Variants in GABRG3 observed in about 807,000 individuals in gnomAD.
GABRG3 encodes gamma-aminobutyric acid type A receptor subunit gamma3.
GABRG3 carries 25 observed loss-of-function variants against 48.8 expected under a neutral mutation model. The observed-to-expected ratio is 0.51, with a 90% CI of 0.37 to 0.72. The LOEUF (loss-of-function observed/expected upper bound fraction) is 0.72, where lower values mean the gene tolerates loss of function less well. GABRG3 is among the 30% of genes least tolerant of loss of function. The pLI is 0.00. For missense variants in GABRG3, 394 were observed against 577.9 expected (o/e 0.68, Z 3.26); for synonymous variants, 227 against 217.6 (o/e 1.04, Z -0.38).
intron 3 of GABRG3, among the ~76,000 whole-genome samples, chr15:27,138,227 GTCT>G (rs1278404924): frequency 1.3e-5 from 2 of 152,094 alleles, no homozygotes; most frequent in Non-Finnish European, 2.9e-5. Context: ...CAAACAATTT[GTCT>G]TCTTATAAGG....
intron 3 of GABRG3, among the ~76,000 whole-genome samples, chr15:27,272,787 G>T (rs1017442614): frequency 6.6e-6 from 1 of 152,160 alleles, no homozygotes; most frequent in Non-Finnish European, 1.5e-5. Context: ...AACCCTGGCT[G>T]CTCAGAGATT....
At chr15:27,308,269 CAT>C (rs1892790023) in intron 3 of GABRG3, among the ~76,000 whole-genome samples, 1 of 134,720 alleles carries the variant, frequency 7.4e-6, no homozygotes, top group African/African-American at 2.9e-5. Context: ...TATATATAAA[CAT>C]AATATAAACA....
At chr15:27,307,206 C>T (rs1378110236) in intron 3 of GABRG3, among the ~76,000 whole-genome samples, 1 of 134,514 alleles carries the variant, frequency 7.4e-6, no homozygotes, top group Non-Finnish European at 1.6e-5. Flanking sequence ...ATAATACAAA[C>T]ATGTTTATAT....
chr15:27,522,416 TG>T (rs1891180292), intron 7 of GABRG3, among the ~76,000 whole-genome samples: 2 of 151,324 alleles, frequency 1.3e-5, no homozygotes, highest in African/African-American at 4.9e-5. Context: ...ACATCAGAAA[TG>T]GTAAGTGTGC....
chr15:27,016,752 CG>C (rs1461655174), intron 2 of GABRG3, among the ~76,000 whole-genome samples: 1 of 152,090 alleles, frequency 6.6e-6, no homozygotes, highest in East Asian at 1.9e-4. Context: ...AACACTCTAC[CG>C]TAAGTCCCTT....
chr15:27,037,365 C>G (rs763848030), intron 3 of GABRG3, among the ~76,000 whole-genome samples: 6 of 152,124 alleles, frequency 3.9e-5, no homozygotes, highest in Admixed American at 3.9e-4. Flanking sequence ...AAGGGTGGCT[C>G]GACAGTCAAC....
chr15:27,020,660 G>GC (rs1233719053), intron 2 of GABRG3, among the ~76,000 whole-genome samples: 6 of 151,692 alleles, frequency 4.0e-5, no homozygotes, highest in Non-Finnish European at 7.4e-5. Context: ...CTCGTGATCC[G>GC]CCCCCCTCTG....
At chr15:27,288,895 T>A (rs1891708297) in intron 3 of GABRG3, among the ~76,000 whole-genome samples, 1 of 152,304 alleles carries the variant, frequency 6.6e-6, no homozygotes, top group East Asian at 1.9e-4. Context: ...TTAGTTGTCT[T>A]CTCTGAAAGG....
At chr15:27,482,890 A>T (rs1435662972) in intron 6 of GABRG3, 1 of 152,016 alleles carries the variant, frequency 6.6e-6, no homozygotes, top group African/African-American at 2.4e-5. Flanking sequence ...GCCTCCCACC[A>T]TCTTCTCACT....
intron 5 of GABRG3, among the ~76,000 whole-genome samples, chr15:27,374,681 A>G (rs1253902741): frequency 6.6e-6 from 1 of 152,186 alleles, no homozygotes; most frequent in East Asian, 1.9e-4. Flanking sequence ...GAAATGAAAC[A>G]GCCACGCCAA....
At chr15:27,429,543 C>G (rs1327943028) in intron 5 of GABRG3, among the ~76,000 whole-genome samples, 3 of 152,194 alleles carry the variant, frequency 2.0e-5, no homozygotes, top group African/African-American at 7.2e-5. Flanking sequence ...ATATTTTCAT[C>G]ACCCTAAAAA....
chr15:27,267,326 C>T (rs7496043), intron 3 of GABRG3, among the ~76,000 whole-genome samples: 89,909 of 151,612 alleles, frequency 0.59, 27,267 homozygotes, highest in Non-Finnish European at 0.65. Flanking sequence ...AGGCTGGTCA[C>T]GAACTGCCAA....
At position 27,533,065 on chromosome 15, in the gene GABRG3, C is replaced by T. The variant is rs536892810; in HGVS notation, c.*184C>T. On this transcript the variant is annotated 3_prime_UTR_variant, in exon 10 of 10. Coordinates refer to ENST00000615808, the MANE Select transcript of GABRG3 (RefSeq NM_033223.5). Reference sequence around the variant, plus strand: ...GTTTCTATTATGTATTTTACACACACACATACATACACACACACAGCTAAT... The same window carrying T: ...GTTTCTATTATGTATTTTACACACATACATACATACACACACACAGCTAAT... The T allele has an allele frequency of 2.1e-5, 12 of 578,654 alleles. No individual in the cohort carries two copies. Among genetic ancestry groups the T allele is most frequent in the South Asian group, 1.8e-4 (8 of 45,498 alleles). 35.8% of individuals were successfully genotyped at this position (578,654 alleles called of 1,614,324 possible).
At chr15:27,365,011 T>C (rs565048456) in intron 5 of GABRG3, 2 of 152,276 alleles carry the variant, frequency 1.3e-5, no homozygotes, top group South Asian at 2.1e-4. Context: ...CACCCAAAGA[T>C]GGTGAGAGAA....
rs1279863460 is a variant in GABRG3 at position 27,534,999 on chromosome 15, C to G, written c.*2118C>G. 6.6e-6 allele frequency: 1 copy of G among 152,154 alleles called. No homozygotes were observed. Among genetic ancestry groups the G allele is most frequent in the Non-Finnish European group, 1.5e-5 (1 of 68,038 alleles). The allele number at this position is 152,154 out of a possible 1,614,324, so 9.4% of individuals were successfully genotyped here. A position where few individuals can be genotyped will look rare whatever the true frequency, so the allele number is the denominator to read the frequency against. Reference sequence around the variant, plus strand: ...GAAAATATTGTCTTAGATGCAATGTCTCCTCTATTGGAGAATTTCACACTC... The same window carrying G: ...GAAAATATTGTCTTAGATGCAATGTGTCCTCTATTGGAGAATTTCACACTC... On this transcript the variant is annotated 3_prime_UTR_variant, in exon 10 of 10. Coordinates refer to ENST00000615808, the MANE Select transcript of GABRG3 (RefSeq NM_033223.5).
intron 3 of GABRG3, among the ~76,000 whole-genome samples, chr15:27,260,862 G>GC (rs1179171583): frequency 6.6e-6 from 1 of 152,176 alleles, no homozygotes; most frequent in Non-Finnish European, 1.5e-5. Flanking sequence ...GTGGTCGGGA[G>GC]CAGGAGTGAG....
intron 3 of GABRG3, among the ~76,000 whole-genome samples, chr15:27,263,998 T>C (rs1020182128): frequency 3.3e-5 from 5 of 151,086 alleles, no homozygotes; most frequent in African/African-American, 1.2e-4. Flanking sequence ...TGAGAACATA[T>C]ACCGGGGAGA....
intron 3 of GABRG3, among the ~76,000 whole-genome samples, chr15:27,086,088 C>T (rs1229010613): frequency 1.3e-5 from 2 of 148,462 alleles, no homozygotes; most frequent in Non-Finnish European, 3.0e-5. Context: ...TACAGTTTAA[C>T]AAAATTGAAC....
chr15:27,255,307 C>G (rs1890578947), intron 3 of GABRG3, among the ~76,000 whole-genome samples: 1 of 152,222 alleles, frequency 6.6e-6, no homozygotes, highest in Non-Finnish European at 1.5e-5. Flanking sequence ...GTCCCAAGCT[C>G]CAAACACCAA....
Sources: allele counts gnomAD v4.1 joint callset (sites outside exome capture counted in the v4.1 genomes callset), GRCh38; gene constraint gnomAD v4.1.1; transcripts MANE v1.5; gene names NCBI Gene and HGNC (gene_info 2026-07-23, HGNC 2026-07-21).